Variants in GBF1 observed in about 807,000 individuals in gnomAD.
GBF1 encodes the protein golgi brefeldin A resistant guanine nucleotide exchange factor 1.
In GBF1, 114 loss-of-function variants were observed where a neutral mutation model predicts 210.5. The ratio of observed to expected loss-of-function variants is 0.54; its 90% CI spans 0.47 to 0.63. GBF1 has a LOEUF of 0.63. Ranked by LOEUF, GBF1 falls within the 30% of genes least tolerant of loss-of-function variation. GBF1 has a pLI of 0.00. For synonymous variants in GBF1, 850 were observed against 889.2 expected, an observed-to-expected ratio of 0.96 and a Z score of 0.78; for missense variants, 1,851 against 2,357.7, an observed-to-expected ratio of 0.79 and a Z score of 4.45.
chr10:102,231,571 G>T, the GBF1 span: 15 of 1,535,784 alleles, frequency 9.8e-6, no homozygotes, highest in East Asian at 3.5e-4. Context: ...TGCGAGTCGC[G>T]GGTCTGGAGA....
chr10:102,276,686 A>T (rs989396066), intron 3 of GBF1, among the ~76,000 whole-genome samples: 1 of 152,136 alleles, frequency 6.6e-6, no homozygotes, highest in Non-Finnish European at 1.5e-5. Context: ...AGTCAACAAA[A>T]TGGGTTGTGT....
At chr10:102,248,506 C>T (rs78218800) in intron 1 of GBF1, among the ~76,000 whole-genome samples, 1,668 of 152,070 alleles carry the variant, frequency 0.011, 27 homozygotes, top group African/African-American at 0.038. Flanking sequence ...CCAGGGGTTA[C>T]GAGCTCATGT....
intron 3 of GBF1, among the ~76,000 whole-genome samples, chr10:102,301,502 C>T (rs558800448): frequency 1.3e-4 from 20 of 152,374 alleles, no homozygotes; most frequent in Admixed American, 7.2e-4. Context: ...GGGTACACCT[C>T]CCAGACGGGG....
At chr10:102,309,096 T>G (rs2078188470) in intron 3 of GBF1, among the ~76,000 whole-genome samples, 1 of 152,190 alleles carries the variant, frequency 6.6e-6, no homozygotes, top group South Asian at 2.1e-4. Context: ...TGGTTAGGTT[T>G]GCAAAATTCA....
At position 102,381,151 on chromosome 10, in the gene GBF1, G is replaced by T. The variant is rs140691714; in HGVS notation, c.5198G>T (p.Gly1733Val). The T allele has an allele frequency of 4.8e-5, 77 of 1,613,810 alleles. No individual in the cohort carries two copies. Among genetic ancestry groups the T allele is most frequent in the Non-Finnish European group, 6.3e-5 (74 of 1,179,908 alleles). ...IQDPMPMEPQ[G>V]QKPLASAHLT... ...GACCCCATGCCCATGGAGCCTCAAG[G>T]CCAAAAGCCTCTCGCCTCAGCCCAC... Residue 1733 changes from glycine to valine, a missense_variant, in exon 39 of 40, where the codon GGC becomes GTC. Gly to Val is a moderately radical substitution (Grantham distance 109). Transcript: ENST00000369983.
chr10:102,230,676 G>A, the GBF1 span: 3 of 1,582,478 alleles, frequency 1.9e-6, no homozygotes, highest in Non-Finnish European at 1.7e-6. Flanking sequence ...GGGAAGAGGC[G>A]GCAGCCGCGG....
intron 3 of GBF1, among the ~76,000 whole-genome samples, chr10:102,322,718 CAAAAAAAAA>C (rs61470777): frequency 2.0e-4 from 16 of 80,476 alleles, no homozygotes; most frequent in East Asian, 7.8e-4. Context: ...CTCATCTCTA[CAAAAAAAAA>C]AAAAAAAAAA....
intron 3 of GBF1, among the ~76,000 whole-genome samples, chr10:102,296,589 A>C (rs1213036857): frequency 6.6e-6 from 1 of 152,196 alleles, no homozygotes; most frequent in Non-Finnish European, 1.5e-5. Flanking sequence ...CTAAAAAGAC[A>C]AAATTAGCCG....
chr10:102,370,890 A>T (rs781266335), intron 29 of GBF1, 30 bp downstream of exon 29: 1 of 1,605,084 alleles, frequency 6.2e-7, no homozygotes. Context: ...GAGAGTGGGC[A>T]GGTATGCAAG....
intron 3 of GBF1, among the ~76,000 whole-genome samples, chr10:102,262,151 A>G (rs771920593): frequency 1.3e-5 from 2 of 151,992 alleles, no homozygotes; most frequent in African/African-American, 2.4e-5. Context: ...TCCCAACCAT[A>G]TTTTCTTTAA....
chr10:102,294,000 G>A (rs1324331105), intron 3 of GBF1, among the ~76,000 whole-genome samples: 3 of 151,344 alleles, frequency 2.0e-5, no homozygotes, highest in Non-Finnish European at 2.9e-5. Flanking sequence ...GGATGGTCTC[G>A]ATCTCCTGAC....
intron 3 of GBF1, among the ~76,000 whole-genome samples, chr10:102,307,128 T>A (rs191848787): frequency 1.3e-4 from 20 of 152,326 alleles, no homozygotes; most frequent in African/African-American, 4.8e-4. Flanking sequence ...CCTTGTGCTG[T>A]AGAGGCTTTC....
chr10:102,316,842 G>T (rs1465396675), intron 3 of GBF1, among the ~76,000 whole-genome samples: 1 of 152,206 alleles, frequency 6.6e-6, no homozygotes, highest in South Asian at 2.1e-4. Context: ...CAGGCCCACA[G>T]AAGGTACAAA....
chr10:102,362,348 GC>G, intron 14 of GBF1, 126 bp from the exon 15 acceptor site: 1 of 685,296 alleles, frequency 1.5e-6, no homozygotes, highest in East Asian at 2.6e-5. Flanking sequence ...GAGCCACCAC[GC>G]CCGGCCAGAA....
intron 8 of GBF1, among the ~76,000 whole-genome samples, chr10:102,356,659 C>G (rs1001830174): frequency 1.3e-5 from 2 of 151,104 alleles, no homozygotes; most frequent in African/African-American, 4.9e-5. Flanking sequence ...CCCAGCTACT[C>G]AGGAGACTGA....
chr10:102,330,351 G>A (rs987031116), intron 3 of GBF1, among the ~76,000 whole-genome samples: 1 of 151,854 alleles, frequency 6.6e-6, no homozygotes, highest in African/African-American at 2.4e-5. Flanking sequence ...GTTATTGGGA[G>A]GATAAAATAA....
intron 1 of GBF1, among the ~76,000 whole-genome samples, chr10:102,248,530 G>T (rs1156868910): frequency 6.6e-6 from 1 of 152,144 alleles, no homozygotes; most frequent in Non-Finnish European, 1.5e-5. Flanking sequence ...TAAATGCCAG[G>T]CAGGTAATGT....
At chr10:102,302,001 C>G (rs1211112868) in intron 3 of GBF1, among the ~76,000 whole-genome samples, 1 of 146,538 alleles carries the variant, frequency 6.8e-6, no homozygotes, top group South Asian at 2.2e-4. Flanking sequence ...ACGAGACTCC[C>G]TCTGCAATCC....
the GBF1 span, among the ~76,000 whole-genome samples, chr10:102,232,538 T>C: frequency 6.6e-6 from 1 of 151,880 alleles, no homozygotes; most frequent in Non-Finnish European, 1.5e-5. Context: ...CAAAAATTGC[T>C]GGGCGGGGTG....
Sources: allele counts gnomAD v4.1 joint callset (sites outside exome capture counted in the v4.1 genomes callset), GRCh38; gene constraint gnomAD v4.1.1; transcripts MANE v1.5; gene names NCBI Gene and HGNC (gene_info 2026-07-23, HGNC 2026-07-21).